BNIP2: variants seen among roughly 807,000 people sequenced by gnomAD.
BNIP2 encodes BCL2 interacting protein 2.
A neutral mutation model predicts 43.4 loss-of-function variants in BNIP2; 36 were observed. That is an observed-to-expected ratio of 0.83 (90% CI 0.64 to 1.10). The LOEUF (loss-of-function observed/expected upper bound fraction) is 1.10, where lower values mean the gene tolerates loss of function less well. Among genes scored for constraint, BNIP2 ranks in the 50% least tolerant of loss-of-function variants. BNIP2 has a pLI of 0.00. For synonymous variants in BNIP2, 146 were observed against 121.0 expected (o/e 1.21, Z -1.35); for missense variants, 417 against 374.1 (o/e 1.11, Z -0.95).
chr15:59,678,389 C>T (rs777558191), intron 4 of BNIP2: 2 of 1,101,072 alleles, frequency 1.8e-6, no homozygotes, highest in Non-Finnish European at 2.2e-6. Context: ...TCTTAGTACA[C>T]TGGCCTTACA....
At chr15:59,664,570 G>A (rs1280036676) in intron 9 of BNIP2, among the ~76,000 whole-genome samples, 1 of 151,758 alleles carries the variant, frequency 6.6e-6, no homozygotes, top group Non-Finnish European at 1.5e-5. Context: ...TTTAGTAGAG[G>A]TGGGGTTTCA....
intron 9 of BNIP2, 145 bp from the exon 10 acceptor site, chr15:59,664,265 C>T (rs2141983533): frequency 2.1e-6 from 1 of 478,354 alleles, no homozygotes; most frequent in Non-Finnish European, 3.5e-6. Flanking sequence ...AGTTACCAAA[C>T]ATCATTTCCC....
intron 7 of BNIP2, among the ~76,000 whole-genome samples, chr15:59,669,949 A>T (rs992041798): frequency 6.6e-6 from 1 of 152,248 alleles, no homozygotes; most frequent in African/African-American, 2.4e-5. Flanking sequence ...CATAAGAGCT[A>T]GCCAATGTCA....
chr15:59,672,960 A>C (rs1325153567), intron 5 of BNIP2, among the ~76,000 whole-genome samples: 1 of 152,222 alleles, frequency 6.6e-6, no homozygotes, highest in Non-Finnish European at 1.5e-5. Context: ...GGACAGAAAA[A>C]ACAAAAAAAC....
chr15:59,668,023 C>A, intron 9 of BNIP2: 1 of 992,418 alleles, frequency 1.0e-6, no homozygotes, highest in Non-Finnish European at 1.4e-6. Context: ...TGTCTACAAG[C>A]TAACCAACCA....
intron 1 of BNIP2, among the ~76,000 whole-genome samples, chr15:59,688,115 T>C (rs1386521513): frequency 6.6e-6 from 1 of 152,200 alleles, no homozygotes; most frequent in Non-Finnish European, 1.5e-5. Context: ...AGCCCAGCAG[T>C]ATTAGGCTGC....
At chr15:59,676,706 A>T in intron 5 of BNIP2, 1 of 783,044 alleles carries the variant, frequency 1.3e-6, no homozygotes, top group African/African-American at 1.7e-5. Context: ...AGGGCAGGCG[A>T]GCGCAGTGGA....
intron 5 of BNIP2, among the ~76,000 whole-genome samples, chr15:59,672,988 C>T (rs570588370): frequency 1.3e-5 from 2 of 152,222 alleles, no homozygotes; most frequent in African/African-American, 4.8e-5. Context: ...CACTTAAATT[C>T]GCATATTTAA....
chr15:59,670,437 A>G (rs569675460), intron 7 of BNIP2, among the ~76,000 whole-genome samples: 1 of 152,344 alleles, frequency 6.6e-6, no homozygotes, highest in East Asian at 1.9e-4. Flanking sequence ...TCTCAAAACA[A>G]AACAAAAACA....
At chr15:59,683,073 C>A (rs1893794285) in intron 1 of BNIP2, among the ~76,000 whole-genome samples, 1 of 152,208 alleles carries the variant, frequency 6.6e-6, no homozygotes, top group African/African-American at 2.4e-5. Context: ...ATTATGCAAT[C>A]TTTTGATTTG....
rs375248797 is a variant in BNIP2, at chr15:59,668,881, A to G, written c.893+11T>C. On this transcript the variant is annotated intron_variant, in intron 9 of 9. Transcript: ENST00000607373. ...GATCCAATACAATTAAGGAAATAAA[A>G]CAAAACATACTGTTTTATGCATTCT... 1.4e-4 allele frequency: 222 copies of G among 1,604,020 alleles called. No homozygotes were observed. The highest frequency in any genetic ancestry group is 1.7e-4 in the Non-Finnish European group (196 of 1,172,688).
intron 5 of BNIP2, chr15:59,676,704 C>T (rs1328946454): frequency 1.2e-5 from 9 of 775,502 alleles, no homozygotes; most frequent in African/African-American, 5.2e-5. Context: ...CTAGGGCAGG[C>T]GAGCGCAGTG....
rs550342215 is a variant in BNIP2 at position 59,677,936 on chromosome 15, G to A, written c.447C>T (p.Pro149=). The A allele has an allele frequency of 9.8e-5, 157 of 1,609,326 alleles. 2 individuals are homozygous for A. The South Asian group carries it at 1.7e-3, about 17-fold the overall frequency. ...DHRVDMKAIE[P]YKKVISHGGY... ...CCCCATGGCTGATAACTTTTTTATA[G>A]GGTTCAATTGCCTTCATATCAACCC... is the stretch of plus-strand genomic sequence containing the variant. The change falls in exon 5 of 10, where the codon CCC becomes CCT. Residue 149 remains proline, a synonymous_variant. Transcript: ENST00000607373.
intron 4 of BNIP2, among the ~76,000 whole-genome samples, chr15:59,679,089 A>G (rs1893489581): frequency 1.3e-5 from 2 of 152,218 alleles, no homozygotes; most frequent in African/African-American, 4.8e-5. Context: ...AAGATACTGT[A>G]GACAATTTTG....
chr15:59,665,933 T>C (rs1892542585), intron 9 of BNIP2, among the ~76,000 whole-genome samples: 1 of 151,790 alleles, frequency 6.6e-6, no homozygotes, highest in South Asian at 2.1e-4. Context: ...AAAGCCAAAG[T>C]AACATTTTAA....
rs1892413043 is a variant in BNIP2, at chr15:59,663,963, T to C, written c.*106A>G. On this transcript the variant is annotated 3_prime_UTR_variant, in exon 10 of 10. Coordinates refer to ENST00000607373, the MANE Select transcript of BNIP2 (RefSeq NM_004330.4). Reference sequence around the variant, plus strand: ...CATTATGAAAAAGTCAAGTCTATTTTGTAACAGGTTACATAAAAATATGGG... The same window carrying C: ...CATTATGAAAAAGTCAAGTCTATTTCGTAACAGGTTACATAAAAATATGGG... 4.5e-6 allele frequency: 4 copies of C among 884,216 alleles called. No homozygotes were observed. The South Asian group carries it at 8.2e-5, about 18-fold the overall frequency. The allele number at this position is 884,216 out of a possible 1,614,324, so 54.8% of individuals were successfully genotyped here. A position where few individuals can be genotyped will look rare whatever the true frequency, so the allele number is the denominator to read the frequency against.
intron 1 of BNIP2, chr15:59,688,745 T>G: frequency 6.5e-7 from 1 of 1,535,642 alleles, no homozygotes; most frequent in South Asian, 1.2e-5. Flanking sequence ...AAGTCCAAGT[T>G]TCTTTGTTCT....
chr15:59,668,011 T>A, intron 9 of BNIP2: 1 of 868,202 alleles, frequency 1.2e-6, no homozygotes, highest in Non-Finnish European at 1.6e-6. Flanking sequence ...TGCTATTATC[T>A]TTGTCTACAA....
intron 1 of BNIP2, among the ~76,000 whole-genome samples, chr15:59,682,732 A>C (rs191298205): frequency 3.9e-5 from 6 of 152,140 alleles, no homozygotes; most frequent in Admixed American, 2.6e-4. Flanking sequence ...TATAGTAAGG[A>C]TACTGTTCAG....
Sources: allele counts gnomAD v4.1 joint callset (sites outside exome capture counted in the v4.1 genomes callset), GRCh38; gene constraint gnomAD v4.1.1; transcripts MANE v1.5; gene names NCBI Gene and HGNC (gene_info 2026-07-23, HGNC 2026-07-21).